TEX101: variants seen among roughly 807,000 people sequenced by gnomAD.
The protein encoded by TEX101 is testis expressed 101, also known as testis-expressed protein 101.
Under a neutral mutation model 18.1 loss-of-function variants are expected in TEX101, and 10 were observed. That is an observed-to-expected ratio of 0.55 (90% confidence interval 0.34 to 0.94). TEX101 has a LOEUF of 0.94. Ranked by LOEUF, TEX101 falls within the 40% of genes least tolerant of loss-of-function variation. The pLI is 0.02. For synonymous variants in TEX101, 94 were observed against 114.8 expected (o/e 0.82, Z 1.16); for missense variants, 259 against 298.9 (o/e 0.87, Z 0.98).
the TEX101 span, among the ~76,000 whole-genome samples, chr19:43,389,182 A>C: frequency 1.7e-4 from 26 of 152,330 alleles, no homozygotes; most frequent in Non-Finnish European, 3.1e-4. Flanking sequence ...CTCTGGCTGC[A>C]GTGCAGTTTT....
At chr19:43,402,296 T>C (rs1196459259) in intron 1 of TEX101, among the ~76,000 whole-genome samples, 1 of 152,236 alleles carries the variant, frequency 6.6e-6, no homozygotes, top group Non-Finnish European at 1.5e-5. Flanking sequence ...CTCAGTTCTC[T>C]GTGTGATTGA....
chr19:43,409,116 C>A lies in TEX101; in HGVS notation c.15+2597C>A, dbSNP rs147485772. On this transcript the variant is annotated intron_variant, in intron 3 of 7. Coordinates refer to the TEX101 transcript ENST00000602198. ...ATGCATTAATCAGGTAGCCCCCAGA[C>A]CCAGAGTAGGTTCAGAGAAACTTCA... 5.3e-3 allele frequency among the ~76,000 whole-genome samples: 808 copies of A among 152,270 alleles called. 8 individuals are homozygous for A. The highest frequency in any genetic ancestry group is 0.018 in the African/African-American group (746 of 41,552).
the TEX101 span, among the ~76,000 whole-genome samples, chr19:43,389,655 C>A: frequency 2.0e-5 from 3 of 152,042 alleles, no homozygotes; most frequent in African/African-American, 7.3e-5. Flanking sequence ...GTGAGCTGGG[C>A]GGTTTTCTCT....
At chr19:43,409,173 T>G (rs562951704) in intron 3 of TEX101, among the ~76,000 whole-genome samples, 3 of 152,266 alleles carry the variant, frequency 2.0e-5, no homozygotes, top group African/African-American at 7.2e-5. Flanking sequence ...TTGGATAACA[T>G]CTACCGCAGA....
upstream of TEX101, among the ~76,000 whole-genome samples, chr19:43,410,191 G>A (rs146413314): frequency 1.7e-3 from 253 of 152,310 alleles, 2 homozygotes; most frequent in African/African-American, 5.7e-3. Context: ...CTGTTGGTAG[G>A]AGAACTGGAG....
At chr19:43,389,369 G>A in the TEX101 span, among the ~76,000 whole-genome samples, 1 of 152,248 alleles carries the variant, frequency 6.6e-6, no homozygotes. Context: ...AGGGTGCATG[G>A]CACCGATTTG....
chr19:43,391,406 C>CTTTTTTTT, the TEX101 span, among the ~76,000 whole-genome samples: 375 of 95,714 alleles, frequency 3.9e-3, no homozygotes, highest in Middle Eastern at 7.0e-3. Flanking sequence ...TTCTGTTTTT[C>CTTTTTTTT]TTTTTTTTTT....
the TEX101 span, among the ~76,000 whole-genome samples, chr19:43,394,867 T>A: frequency 0.35 from 52,940 of 152,120 alleles, 9,757 homozygotes; most frequent in East Asian, 0.72. Flanking sequence ...TTTGTTTGTT[T>A]ATCTGGAAAA....
chr19:43,398,407 C>A (rs1451497710), upstream of TEX101, among the ~76,000 whole-genome samples: 2 of 150,444 alleles, frequency 1.3e-5, no homozygotes, highest in Non-Finnish European at 2.9e-5. Flanking sequence ...TCCTGAGTAG[C>A]TGAGACTACA....
At chr19:43,414,765 A>C (rs1970453354), upstream of TEX101, 13 of 877,016 alleles carry the variant, frequency 1.5e-5, no homozygotes, top group Non-Finnish European at 1.8e-5. Context: ...CCAGGAATTG[A>C]CTTCTCTGTG....
chr19:43,403,965 G>A lies in TEX101; in HGVS notation c.-283+1106G>A, dbSNP rs150051135. Among the ~76,000 whole-genome samples, 50 of 151,946 alleles carry A rather than the reference G, an allele frequency of 3.3e-4. 1 individual carries two copies. In the East Asian group the frequency reaches 9.5e-3, roughly 29 times the overall value. ...GAGGCAGGAGAATGGCATGAAGCCA[G>A]GAGGTGGAGCGTGCAGTGAGCCAAG... is the stretch of plus-strand genomic sequence containing the variant. On this transcript the variant is annotated intron_variant, in intron 2 of 7. Coordinates refer to the TEX101 transcript ENST00000602198.
intron 2 of TEX101, among the ~76,000 whole-genome samples, chr19:43,405,549 CAAAAAA>C (rs1163062557): frequency 4.4e-3 from 171 of 38,506 alleles, no homozygotes; most frequent in Middle Eastern, 0.02. Flanking sequence ...AACTCTGTCT[CAAAAAA>C]AAAAAAAAAA....
At position 43,415,896 on chromosome 19, in the gene TEX101, T is replaced by A; in HGVS notation, c.-24T>A. ...AAATTCACAGATCCAGACCAGCTCC[T>A]CCCAGACCTCTCCAGAAGAAGCCAT... On this transcript the variant is annotated 5_prime_UTR_variant, in exon 2 of 6. Coordinates refer to ENST00000598265, the MANE Select transcript of TEX101 (RefSeq NM_001130011.3). 1 of 1,614,048 alleles carries A rather than the reference T, an allele frequency of 6.2e-7. No individual in the cohort carries two copies.
exon 3 of TEX101, chr19:43,406,252 A>T (rs187018847): frequency 4.0e-6 from 2 of 495,192 alleles, no homozygotes; most frequent in South Asian, 2.9e-5. Context: ...AAGGAATTCA[A>T]TGAAGCCCGG....
upstream of TEX101, among the ~76,000 whole-genome samples, chr19:43,411,184 C>A (rs2122336277): frequency 6.6e-6 from 1 of 152,320 alleles, no homozygotes; most frequent in South Asian, 2.1e-4. Context: ...TCAAATGATT[C>A]TCTCGCTGCA....
At chr19:43,397,953 T>A (rs1388429442), upstream of TEX101, among the ~76,000 whole-genome samples, 1 of 5,948 alleles carries the variant, frequency 1.7e-4, no homozygotes, top group Admixed American at 4.5e-3. Context: ...AAAATATATA[T>A]TATATATAAA....
chr19:43,416,371 A>G lies in TEX101; in HGVS notation c.209-2A>G. Reference sequence around the variant, plus strand: ...TTTCCCCTCCTTCCTGTCTCATAACAGGGACTGAGACAGCCATTTTGGCCA... The same window carrying G: ...TTTCCCCTCCTTCCTGTCTCATAACGGGGACTGAGACAGCCATTTTGGCCA... On this transcript the variant is annotated splice_acceptor_variant, in intron 3 of 5. Transcript: ENST00000598265. LOFTEE classifies it high-confidence loss of function. 6.2e-7 allele frequency: 1 copy of G among 1,612,174 alleles called. No individual in the cohort carries two copies. The highest frequency in any genetic ancestry group is 8.5e-7 in the Non-Finnish European group (1 of 1,178,818).
chr19:43,406,467 G>A (rs920187013), exon 3 of TEX101: 2 of 769,860 alleles, frequency 2.6e-6, no homozygotes, highest in African/African-American at 1.7e-5. Context: ...AGGAGAGGGG[G>A]ATCGGTGGGC....
the TEX101 span, among the ~76,000 whole-genome samples, chr19:43,393,103 G>GGAAGGAAGGAAGGAAGGAAAGAAA: frequency 6.9e-6 from 1 of 144,400 alleles, no homozygotes; most frequent in Non-Finnish European, 1.5e-5. Flanking sequence ...AAGGAAGGAA[G>GGAAGGAAGGAAGGAAGGAAAGAAA]GAAAGAAAGA....
Sources: allele counts gnomAD v4.1 joint callset (sites outside exome capture counted in the v4.1 genomes callset), GRCh38; gene constraint gnomAD v4.1.1; transcripts MANE v1.5; gene names NCBI Gene and HGNC (gene_info 2026-07-23, HGNC 2026-07-21).